The following ATE1 variants were observed in gnomAD, a reference collection of about 807,000 sequenced individuals.
ATE1 encodes the protein arginyl-tRNA--protein transferase 1.
A neutral mutation model predicts 70.5 loss-of-function variants in ATE1; 36 were observed. The ratio of observed to expected loss-of-function variants is 0.51; its 90% CI spans 0.39 to 0.67. The LOEUF is 0.67. Ranked by LOEUF, ATE1 falls within the 30% of genes least tolerant of loss-of-function variation. The probability of loss-of-function intolerance (pLI) is 0.00; values close to 1 mark genes in which losing one functional copy is unlikely to be tolerated. For missense variants in ATE1, 593 were observed against 629.5 expected (o/e 0.94, Z 0.62); for synonymous variants, 232 against 219.3 (o/e 1.06, Z -0.51).
chr10:121,917,747 G>C (rs1287285225), intron 3 of ATE1, among the ~76,000 whole-genome samples: 1 of 152,146 alleles, frequency 6.6e-6, no homozygotes, highest in African/African-American at 2.4e-5. Flanking sequence ...ACTGCCTTAG[G>C]GGAACAGGAA....
In ATE1 at chr10:121,825,115, C is replaced by G. The variant is rs186311114; in HGVS notation, c.1257+11603G>C. On this transcript the variant is annotated intron_variant, in intron 10 of 11. Transcript: ENST00000224652. The stretch of plus-strand genomic sequence containing the variant: ...AAGAAATTATAATTTCCACCAACCA[C>G]CTTCCACTTTAATTTAAATATTAAG... 1.2e-4 allele frequency among the ~76,000 whole-genome samples: 18 copies of G among 151,670 alleles called. No individual in the cohort carries two copies. In the East Asian group the frequency reaches 3.1e-3, roughly 26 times the overall value.
At chr10:121,775,399 G>A (rs1429787625) in intron 11 of ATE1, among the ~76,000 whole-genome samples, 1 of 152,028 alleles carries the variant, frequency 6.6e-6, no homozygotes, top group Admixed American at 6.6e-5. Context: ...GGGTCGATAG[G>A]TGCAGCAAAC....
intron 7 of ATE1, among the ~76,000 whole-genome samples, chr10:121,886,117 T>C (rs1272409014): frequency 6.6e-6 from 1 of 152,034 alleles, no homozygotes; most frequent in African/African-American, 2.4e-5. Context: ...TTTTTGGATT[T>C]CAGATTTTCA....
chr10:121,848,546 A>G lies in ATE1; in HGVS notation c.976-7283T>C, dbSNP rs535014658. Among the ~76,000 whole-genome samples the G allele has an allele frequency of 2.7e-5, 4 of 149,858 alleles. No homozygotes were observed. In the South Asian group the frequency reaches 8.7e-4, roughly 33 times the overall value. On this transcript the variant is annotated intron_variant, in intron 8 of 11. Coordinates refer to ENST00000224652, the MANE Select transcript of ATE1 (RefSeq NM_001001976.3). ...TGCAGGAAAATCGCTTGAACCCGGAATGCAGAGGCTGCAGTGGGCCAAGAT... is the reference window on the plus strand; with the variant it reads ...TGCAGGAAAATCGCTTGAACCCGGAGTGCAGAGGCTGCAGTGGGCCAAGAT...
chr10:121,919,288 G>A (rs908644751), intron 3 of ATE1, among the ~76,000 whole-genome samples: 3 of 152,138 alleles, frequency 2.0e-5, no homozygotes, highest in Non-Finnish European at 2.9e-5. Context: ...CCCACCAGAA[G>A]GAACCAACTC....
intron 10 of ATE1, among the ~76,000 whole-genome samples, chr10:121,820,036 C>T (rs751909763): frequency 2.0e-5 from 3 of 151,840 alleles, no homozygotes; most frequent in African/African-American, 4.8e-5. Flanking sequence ...ATTCCAGCTA[C>T]CAGGGAGGCT....
At chr10:121,783,478 C>A (rs982913584) in intron 11 of ATE1, among the ~76,000 whole-genome samples, 1 of 151,958 alleles carries the variant, frequency 6.6e-6, no homozygotes, top group Non-Finnish European at 1.5e-5. Flanking sequence ...ACTTCGACAG[C>A]TCAAAAACCC....
chr10:121,769,941 T>C (rs1045245769), intron 11 of ATE1, among the ~76,000 whole-genome samples: 4 of 152,192 alleles, frequency 2.6e-5, no homozygotes, highest in African/African-American at 4.8e-5. Context: ...TGCCGGAAAA[T>C]AGTTTGGCAG....
intron 1 of ATE1, 46 bp from the exon 2 acceptor site, chr10:121,924,375 TC>T: frequency 6.4e-7 from 1 of 1,569,422 alleles, no homozygotes; most frequent in Non-Finnish European, 8.8e-7. Flanking sequence ...TAACCTTTTT[TC>T]TTTTTTAAAT....
At chr10:121,857,746 A>T (rs1949300301) in intron 8 of ATE1, among the ~76,000 whole-genome samples, 1 of 152,186 alleles carries the variant, frequency 6.6e-6, no homozygotes, top group African/African-American at 2.4e-5. Context: ...AGCATCATCA[A>T]GTACATTCAC....
At position 121,757,026 on chromosome 10, in the gene ATE1, G is replaced by A. The variant is rs533789925; in HGVS notation, c.1379-13168C>T. Among the ~76,000 whole-genome samples, 13 of 151,860 alleles carry A rather than the reference G, an allele frequency of 8.6e-5. No individual in the cohort carries two copies. In the South Asian group the frequency reaches 1.9e-3, roughly 22 times the overall value. On this transcript the variant is annotated intron_variant, in intron 11 of 11. Coordinates refer to ENST00000224652, the MANE Select transcript of ATE1 (RefSeq NM_001001976.3). ...TTCCAAACTTTTATGCTCTGCTTCC[G>A]TTATAAAACTGAATGCCTTTAACAG...
chr10:121,756,995 C>T (rs555469356), intron 11 of ATE1, among the ~76,000 whole-genome samples: 5 of 152,204 alleles, frequency 3.3e-5, no homozygotes, highest in Non-Finnish European at 7.3e-5. Flanking sequence ...TGTCAGGCTG[C>T]AAATTTTCCA....
At chr10:121,843,491 G>A (rs956557736) in intron 8 of ATE1, among the ~76,000 whole-genome samples, 1 of 152,082 alleles carries the variant, frequency 6.6e-6, no homozygotes, top group Non-Finnish European at 1.5e-5. Context: ...CAATACTGTG[G>A]AAGAAAAAAG....
At chr10:121,866,799 T>C (rs1465099287) in intron 8 of ATE1, among the ~76,000 whole-genome samples, 1 of 146,356 alleles carries the variant, frequency 6.8e-6, no homozygotes, top group Non-Finnish European at 1.5e-5. Flanking sequence ...TATGCTGAGA[T>C]AGTGCTATCT....
intron 11 of ATE1, among the ~76,000 whole-genome samples, chr10:121,762,937 T>C (rs1945114524): frequency 6.6e-6 from 1 of 152,224 alleles, no homozygotes; most frequent in African/African-American, 2.4e-5. Flanking sequence ...ATTGATTTCA[T>C]TATACATTAG....
intron 7 of ATE1, among the ~76,000 whole-genome samples, chr10:121,897,949 G>T (rs1238014120): frequency 6.6e-6 from 1 of 152,006 alleles, no homozygotes. Context: ...TCTGGGAAGT[G>T]AGCCCTTTCT....
intron 8 of ATE1, among the ~76,000 whole-genome samples, chr10:121,857,449 T>C (rs1949288464): frequency 6.6e-6 from 1 of 152,256 alleles, no homozygotes; most frequent in Non-Finnish European, 1.5e-5. Flanking sequence ...TTGTTCTTTA[T>C]TATGGCTGCA....
intron 10 of ATE1, among the ~76,000 whole-genome samples, chr10:121,797,974 C>T (rs1206561736): frequency 2.0e-5 from 3 of 152,168 alleles, no homozygotes; most frequent in African/African-American, 7.2e-5. Flanking sequence ...CTAACTTGAT[C>T]ACTAATGTGT....
intron 10 of ATE1, among the ~76,000 whole-genome samples, chr10:121,793,113 T>C (rs559865717): frequency 6.6e-6 from 1 of 152,164 alleles, no homozygotes; most frequent in Non-Finnish European, 1.5e-5. Context: ...GGCAAATCAC[T>C]TAAGCACTTC....
Sources: gnomAD v4.1 joint callset for allele counts (sites outside exome capture counted in the v4.1 genomes callset) on GRCh38, gnomAD v4.1.1 for gene constraint, MANE v1.5 for transcripts, NCBI Gene and HGNC (gene_info 2026-07-23, HGNC 2026-07-21) for gene names.